Variants in HDAC9 observed in about 807,000 individuals in gnomAD.
The protein encoded by HDAC9 is MEF-2 interacting transcription repressor (MITR) protein.
HDAC9 carries 41 observed loss-of-function variants against 139.4 expected under a neutral mutation model. That is an observed-to-expected ratio of 0.29 (90% CI 0.23 to 0.38). The LOEUF (loss-of-function observed/expected upper bound fraction) is 0.38, where lower values mean the gene tolerates loss of function less well. HDAC9 is among the 10% of genes least tolerant of loss of function. HDAC9 has a pLI of 1.00. For synonymous variants in HDAC9, 517 were observed against 476.2 expected, an observed-to-expected ratio of 1.09 and a Z score of -1.12; for missense variants, 1,147 against 1,297.0, an observed-to-expected ratio of 0.88 and a Z score of 1.78.
intron 12 of HDAC9, among the ~76,000 whole-genome samples, chr7:18,674,584 C>T (rs1639925607): frequency 6.6e-6 from 1 of 151,962 alleles, no homozygotes; most frequent in African/African-American, 2.4e-5. Flanking sequence ...CATCATTGTT[C>T]CTAGAGCCAC....
intron 1 of HDAC9, among the ~76,000 whole-genome samples, chr7:18,112,824 A>G (rs566603788): frequency 6.6e-6 from 1 of 152,290 alleles, no homozygotes; most frequent in Non-Finnish European, 1.5e-5. Flanking sequence ...AGCAGGTCAC[A>G]CGTACTTTTT....
chr7:18,757,128 T>G (rs1023832263), intron 14 of HDAC9, among the ~76,000 whole-genome samples: 16 of 152,204 alleles, frequency 1.1e-4, no homozygotes, highest in Admixed American at 8.5e-4. Flanking sequence ...ATTGACTCAT[T>G]AAATATTAAG....
intron 2 of HDAC9, among the ~76,000 whole-genome samples, chr7:18,236,158 T>C (rs1584775670): frequency 1.3e-5 from 2 of 152,320 alleles, no homozygotes; most frequent in South Asian, 4.1e-4. Context: ...CTTATCCTTG[T>C]TCCAGTGGCT....
intron 2 of HDAC9, among the ~76,000 whole-genome samples, chr7:18,275,322 G>A (rs1468232136): frequency 1.3e-5 from 2 of 152,036 alleles, no homozygotes; most frequent in African/African-American, 2.4e-5. Flanking sequence ...ACAATCTTTT[G>A]CTTAGATTTT....
At position 18,610,095 on chromosome 7, in the gene HDAC9, C is replaced by T. The variant is rs898819727; in HGVS notation, c.664+16066C>T. Among the ~76,000 whole-genome samples the T allele has an allele frequency of 8.5e-5, 13 of 152,228 alleles. 1 individual carries two copies. In the South Asian group the frequency reaches 2.1e-3, roughly 24 times the overall value. On this transcript the variant is annotated intron_variant, in intron 6 of 25. Transcript: ENST00000686413. ...TAAATCATGCTGCTATAAAGACACA[C>T]GCACACATATGTTTATTGCGGCACT...
chr7:18,689,097 G>A (rs6951128), intron 12 of HDAC9, among the ~76,000 whole-genome samples: 17,284 of 151,918 alleles, frequency 0.11, 1,026 homozygotes, highest in East Asian at 0.15. Context: ...AAAGACTTAC[G>A]TTGAAAAATA....
chr7:18,644,206 A>G (rs575918742), intron 8 of HDAC9, among the ~76,000 whole-genome samples: 1 of 152,288 alleles, frequency 6.6e-6, no homozygotes, highest in East Asian at 1.9e-4. Flanking sequence ...GAAGCCCTAT[A>G]TGGTGATATT....
chr7:18,588,268 A>G (rs1830005295), intron 3 of HDAC9, among the ~76,000 whole-genome samples: 1 of 152,138 alleles, frequency 6.6e-6, no homozygotes, highest in African/African-American at 2.4e-5. Flanking sequence ...ACCTAATGTA[A>G]AAAACAAAAT....
chr7:18,693,984 T>C (rs1782852546), intron 12 of HDAC9, among the ~76,000 whole-genome samples: 1 of 152,282 alleles, frequency 6.6e-6, no homozygotes, highest in South Asian at 2.1e-4. Flanking sequence ...GGCTGGAATG[T>C]TGGTAACCGA....
At chr7:18,475,534 T>C (rs562482656) in intron 1 of HDAC9, among the ~76,000 whole-genome samples, 18 of 152,328 alleles carry the variant, frequency 1.2e-4, no homozygotes, top group African/African-American at 2.9e-4. Flanking sequence ...AAGGTGGCAA[T>C]TGGACAATAA....
At chr7:18,276,893 CTTT>C (rs1439764695) in intron 2 of HDAC9, among the ~76,000 whole-genome samples, 9 of 152,010 alleles carry the variant, frequency 5.9e-5, no homozygotes, top group Non-Finnish European at 8.8e-5. Context: ...AAAATGGCTT[CTTT>C]GTCTTTTTCT....
At position 18,859,845 on chromosome 7, in the gene HDAC9, T is replaced by G. The variant is rs1038848717; in HGVS notation, c.2685-14633T>G. On this transcript the variant is annotated intron_variant, in intron 21 of 25. Coordinates refer to ENST00000686413, the MANE Select transcript of HDAC9 (RefSeq NM_178425.4). ...ATATATATATATATATATATATATA[T>G]ATATATATATATATGTGAGAGAATG... 4.5e-5 allele frequency among the ~76,000 whole-genome samples: 6 copies of G among 132,174 alleles called. No individual in the cohort carries two copies. In the East Asian group the frequency reaches 1.3e-3, roughly 29 times the overall value. The allele number at this position is 132,174 out of a possible 152,430, so 86.7% of individuals were successfully genotyped here.
At chr7:18,920,704 G>A (rs1029961679) in intron 22 of HDAC9, among the ~76,000 whole-genome samples, 42 of 152,102 alleles carry the variant, frequency 2.8e-4, no homozygotes, top group Non-Finnish European at 4.6e-4. Flanking sequence ...TTAGCATGAA[G>A]CGTTGTTGAA....
chr7:18,241,813 T>C (rs1291891546), intron 2 of HDAC9, among the ~76,000 whole-genome samples: 1 of 152,114 alleles, frequency 6.6e-6, no homozygotes, highest in African/African-American at 2.4e-5. Context: ...AAGAGAGTAG[T>C]GGCACTTGCT....
At chr7:18,444,441 T>G (rs1562994110) in intron 1 of HDAC9, among the ~76,000 whole-genome samples, 1 of 149,500 alleles carries the variant, frequency 6.7e-6, no homozygotes, top group African/African-American at 2.5e-5. Context: ...TTCTACACAC[T>G]CAGTTACATA....
intron 6 of HDAC9, among the ~76,000 whole-genome samples, chr7:18,599,530 A>G (rs1246711783): frequency 6.6e-6 from 1 of 152,276 alleles, no homozygotes; most frequent in Non-Finnish European, 1.5e-5. Flanking sequence ...TGCCTTCTGC[A>G]GAATGTCATA....
intron 16 of HDAC9, among the ~76,000 whole-genome samples, chr7:18,780,528 T>C (rs1293557264): frequency 2.0e-5 from 3 of 152,084 alleles, no homozygotes; most frequent in South Asian, 4.2e-4. Context: ...AGAAGCATCA[T>C]TGTAGGATGA....
chr7:18,194,029 T>A (rs1408407364), intron 2 of HDAC9, among the ~76,000 whole-genome samples: 1 of 152,174 alleles, frequency 6.6e-6, no homozygotes, highest in Admixed American at 6.5e-5. Flanking sequence ...TGAGCCTGAT[T>A]TTTCCTGATG....
At chr7:18,559,101 G>A (rs1819771996) in intron 2 of HDAC9, among the ~76,000 whole-genome samples, 1 of 152,180 alleles carries the variant, frequency 6.6e-6, no homozygotes, top group African/African-American at 2.4e-5. Context: ...CCTGAACTAA[G>A]TGAAGCATCC....
Sources: allele counts gnomAD v4.1 joint callset (sites outside exome capture counted in the v4.1 genomes callset), GRCh38; gene constraint gnomAD v4.1.1; transcripts MANE v1.5; gene names NCBI Gene and HGNC (gene_info 2026-07-23, HGNC 2026-07-21).